RNF157: variants seen among roughly 807,000 people sequenced by gnomAD.
RNF157 encodes the protein E3 ubiquitin ligase RNF157.
In RNF157, 55 loss-of-function variants were observed where a neutral mutation model predicts 88.3. The observed-to-expected ratio is 0.62, with a 90% CI of 0.50 to 0.78. The LOEUF (loss-of-function observed/expected upper bound fraction) is 0.78. RNF157 is among the 30% of genes least tolerant of loss of function. RNF157 has a pLI of 0.00. For synonymous variants in RNF157, 334 were observed against 341.2 expected (o/e 0.98, Z 0.23); for missense variants, 788 against 860.8 (o/e 0.92, Z 1.06).
At chr17:76,182,829 C>A (rs574933514) in intron 2 of RNF157, among the ~76,000 whole-genome samples, 8 of 107,248 alleles carry the variant, frequency 7.5e-5, no homozygotes, top group African/African-American at 3.0e-4. Context: ...CCTATATATC[C>A]TATATATGAT....
intron 3 of RNF157, among the ~76,000 whole-genome samples, chr17:76,172,212 T>G (rs1192167357): frequency 3.9e-5 from 6 of 152,142 alleles, no homozygotes; most frequent in African/African-American, 1.2e-4. Flanking sequence ...TAGTGGTTAC[T>G]TAGGGCTGGG....
At chr17:76,148,615 G>C (rs2068624621) in intron 18 of RNF157, among the ~76,000 whole-genome samples, 1 of 146,676 alleles carries the variant, frequency 6.8e-6, no homozygotes, top group East Asian at 2.0e-4. Flanking sequence ...CAGCCTCCCA[G>C]GCTGGAGTGC....
chr17:76,151,258 A>C (rs1310653541), intron 18 of RNF157, among the ~76,000 whole-genome samples: 1 of 152,262 alleles, frequency 6.6e-6, no homozygotes, highest in Non-Finnish European at 1.5e-5. Flanking sequence ...AACTAAATAG[A>C]AAATGACTCA....
chr17:76,217,397 A>T (rs1050043235), intron 1 of RNF157, among the ~76,000 whole-genome samples: 9 of 152,168 alleles, frequency 5.9e-5, no homozygotes, highest in Non-Finnish European at 1.3e-4. Context: ...TTTGAAATGA[A>T]CCCCTCTAGC....
At position 76,161,700 on chromosome 17, in the gene RNF157, A is replaced by T. The variant is rs181779572; in HGVS notation, c.953-53T>A. The T allele has an allele frequency of 6.4e-7, 1 of 1,557,066 alleles. No individual in the cohort carries two copies. The highest frequency in any genetic ancestry group is 1.7e-5 in the Admixed American group (1 of 57,144). Reference sequence around the variant, plus strand: ...ACATCCTGATACAGGATTAAGAATGAACAAGAGCCCAGACAGAAACCATGA... The same window carrying T: ...ACATCCTGATACAGGATTAAGAATGTACAAGAGCCCAGACAGAAACCATGA... On this transcript the variant is annotated intron_variant, in intron 10 of 18. Coordinates refer to ENST00000269391, the MANE Select transcript of RNF157 (RefSeq NM_052916.3). This position sits in a 1 kb window ranked among gnomAD's most constrained non-coding sequence, Gnocchi z 4.6.
At chr17:76,175,721 T>C (rs914534516) in intron 2 of RNF157, 1 of 977,504 alleles carries the variant, frequency 1.0e-6, no homozygotes, top group African/African-American at 1.8e-5. Context: ...TTTGTACAGG[T>C]ACTTGGGCGT....
chr17:76,147,310 C>T, intron 18 of RNF157: 8 of 985,888 alleles, frequency 8.1e-6, no homozygotes, highest in Non-Finnish European at 8.4e-6. Flanking sequence ...GGAGCTGCGG[C>T]TGTTCAGTAG....
At chr17:76,149,321 G>A (rs149254240) in intron 18 of RNF157, among the ~76,000 whole-genome samples, 234 of 152,046 alleles carry the variant, frequency 1.5e-3, no homozygotes, top group African/African-American at 5.0e-3. Flanking sequence ...GATGCAGCCC[G>A]GGCTCCATTT....
At chr17:76,179,671 C>T (rs1329916184) in intron 2 of RNF157, among the ~76,000 whole-genome samples, 1 of 152,142 alleles carries the variant, frequency 6.6e-6, no homozygotes, top group East Asian at 1.9e-4. Context: ...CCAGCCTGGG[C>T]AACAAGCGAG....
rs1282658558 is a variant in RNF157, at chr17:76,167,066, A to G, written c.504T>C (p.Cys168=). The change falls in exon 5 of 19, where the codon TGT becomes TGC. Residue 168 remains cysteine (C), a synonymous_variant. Coordinates refer to ENST00000269391, the MANE Select transcript of RNF157 (RefSeq NM_052916.3). The stretch of plus-strand genomic sequence containing the variant: ...TGTGGGAGGGCAGGCAGAACTGCTG[A>G]CACACTCCTCGCTTGTACTGCACAG... ...SETVQYKRGV[C]QQFCLPSHTV... The G allele has an allele frequency of 1.9e-6, 3 of 1,613,284 alleles. No individual in the cohort carries two copies. Among genetic ancestry groups the G allele is most frequent in the Non-Finnish European group, 2.5e-6 (3 of 1,179,930 alleles).
intron 17 of RNF157, 174 bp from the exon 18 acceptor site, chr17:76,152,639 A>G (rs774263445): frequency 1.9e-5 from 11 of 571,610 alleles, no homozygotes; most frequent in Non-Finnish European, 3.1e-5. Flanking sequence ...TTGTGTGGGC[A>G]TGTCTGTGTT....
chr17:76,202,128 TCACACACACACACACACA>T (rs60491535), intron 2 of RNF157, among the ~76,000 whole-genome samples: 8 of 134,662 alleles, frequency 5.9e-5, no homozygotes, highest in South Asian at 2.5e-4. Context: ...TCTCTCTCTC[TCACACACACACACACACA>T]CACACACACA....
At chr17:76,174,340 AG>A (rs1173905052) in intron 2 of RNF157, among the ~76,000 whole-genome samples, 17 of 152,210 alleles carry the variant, frequency 1.1e-4, no homozygotes, top group Admixed American at 1.1e-3. Flanking sequence ...TTAACATGTG[AG>A]CCAAGAGTTA....
chr17:76,164,669 G>A, intron 8 of RNF157, 79 bp downstream of exon 8: 1 of 791,608 alleles, frequency 1.3e-6, no homozygotes, highest in Non-Finnish European at 2.0e-6. Flanking sequence ...TAAAAAAAGA[G>A]GGAGAGAGAA....
intron 18 of RNF157, among the ~76,000 whole-genome samples, chr17:76,151,386 T>A (rs550258088): frequency 1.3e-5 from 2 of 152,066 alleles, no homozygotes; most frequent in Non-Finnish European, 2.9e-5. Flanking sequence ...TGATGGAGAG[T>A]GGCAACCACA....
At chr17:76,204,753 T>G (rs2069649125) in intron 2 of RNF157, among the ~76,000 whole-genome samples, 1 of 151,910 alleles carries the variant, frequency 6.6e-6, no homozygotes, top group East Asian at 1.9e-4. Context: ...GTACACTGTA[T>G]GCATCTTATT....
At position 76,157,304 on chromosome 17, in the gene RNF157, C is replaced by G. The variant is rs77188968; in HGVS notation, c.1414-983G>C. On this transcript the variant is annotated intron_variant, in intron 13 of 18. Transcript: ENST00000269391. The surrounding 1 kb of genome is among the most constrained non-coding windows in gnomAD (Gnocchi z 5.6). ...TTCTTGCCTGGGCTACTGAAACCCT[C>G]TCCTGGCTGGGTCTGTCTCCCGTCT... Among the ~76,000 whole-genome samples, 323 of 152,350 alleles carry G rather than the reference C, an allele frequency of 2.1e-3. No homozygotes were observed. Among genetic ancestry groups the G allele is most frequent in the African/African-American group, 7.3e-3 (304 of 41,576 alleles).
At chr17:76,239,692 T>C (rs1258972847) in intron 1 of RNF157, among the ~76,000 whole-genome samples, 2 of 152,152 alleles carry the variant, frequency 1.3e-5, no homozygotes, top group African/African-American at 4.8e-5. Context: ...AGCGCAGGGA[T>C]AGCACCTGGC....
At chr17:76,180,530 T>C (rs1386018197) in intron 2 of RNF157, among the ~76,000 whole-genome samples, 2 of 152,222 alleles carry the variant, frequency 1.3e-5, no homozygotes, top group Non-Finnish European at 2.9e-5. Context: ...CCAGGCATTA[T>C]GCTAGGTACT....
Sources: allele counts gnomAD v4.1 joint callset (sites outside exome capture counted in the v4.1 genomes callset), GRCh38; gene constraint gnomAD v4.1.1; non-coding constraint Gnocchi (gnomAD v3.1); transcripts MANE v1.5; gene names NCBI Gene and HGNC (gene_info 2026-07-23, HGNC 2026-07-21).